GLIS3: variants seen among roughly 807,000 people sequenced by gnomAD.
GLIS3 encodes GLIS family zinc finger 3.
In GLIS3, 53 loss-of-function variants were observed where a neutral mutation model predicts 78.6. The observed-to-expected ratio is 0.67, with a 90% CI of 0.54 to 0.85. GLIS3 has a LOEUF of 0.85. Ranked by LOEUF, GLIS3 falls within the 40% of genes least tolerant of loss-of-function variation. The probability of loss-of-function intolerance (pLI) is 0.00; values close to 1 mark genes in which losing one functional copy is unlikely to be tolerated. For synonymous variants in GLIS3, 684 were observed against 509.9 expected (o/e 1.34, Z -4.60); for missense variants, 1,703 against 1,231.1 (o/e 1.38, Z -5.74).
At chr9:4,416,252 TAAAAAAAAAA>T in the GLIS3 span, among the ~76,000 whole-genome samples, 11 of 75,840 alleles carry the variant, frequency 1.5e-4, no homozygotes, top group East Asian at 2.3e-3. Flanking sequence ...ACACTGTTTT[TAAAAAAAAAA>T]AAAAAAAAAA....
At position 4,298,464 on chromosome 9, in the gene GLIS3, T is replaced by C. The variant is rs72690083; in HGVS notation, c.-99+957A>G. 7.0e-3 allele frequency: 3,148 copies of C among 449,774 alleles called. 29 individuals carry two copies. The highest frequency in any genetic ancestry group is 1.0e-2 in the Non-Finnish European group (2,229 of 223,864). 27.9% of individuals were successfully genotyped at this position (449,774 alleles called of 1,614,324 possible). A position where few individuals can be genotyped will look rare whatever the true frequency, so the allele number is the denominator to read the frequency against. ...TTGAGTGACTTCCCGGTCCCCGAGG[T>C]GACTTGTCAGCTCCAGTGAGTAACT... On this transcript the variant is annotated intron_variant, in intron 1 of 10. Transcript: ENST00000381971.
At chr9:4,238,872 G>C (rs1483219186) in intron 2 of GLIS3, among the ~76,000 whole-genome samples, 1 of 152,004 alleles carries the variant, frequency 6.6e-6, no homozygotes, top group South Asian at 2.1e-4. Context: ...TAACTACTAA[G>C]ACTACTATAG....
At chr9:4,158,638 T>C (rs1835222022) in intron 2 of GLIS3, among the ~76,000 whole-genome samples, 2 of 152,214 alleles carry the variant, frequency 1.3e-5, no homozygotes, top group African/African-American at 4.8e-5. Context: ...TAATATATGA[T>C]AGCATTCATT....
At chr9:4,375,699 T>G in the GLIS3 span, among the ~76,000 whole-genome samples, 9 of 152,214 alleles carry the variant, frequency 5.9e-5, no homozygotes, top group African/African-American at 2.2e-4. Context: ...AGTGGCTTTT[T>G]AAAATATGTG....
chr9:4,173,561 TACAC>T (rs34572625), intron 2 of GLIS3, among the ~76,000 whole-genome samples: 50,095 of 145,908 alleles, frequency 0.34, 9,140 homozygotes, highest in Middle Eastern at 0.52. Context: ...TGTGTATAGA[TACAC>T]ACACACACAC....
intron 6 of GLIS3, among the ~76,000 whole-genome samples, chr9:3,901,502 C>G (rs992793415): frequency 6.6e-6 from 1 of 152,136 alleles, no homozygotes; most frequent in Non-Finnish European, 1.5e-5. Context: ...TATACATTAC[C>G]AGCACACCAC....
chr9:4,241,735 T>C (rs1375722567), intron 2 of GLIS3, among the ~76,000 whole-genome samples: 1 of 152,198 alleles, frequency 6.6e-6, no homozygotes, highest in Non-Finnish European at 1.5e-5. Context: ...CAGGCTGGAA[T>C]GCAGCAGCGT....
At chr9:4,051,455 C>CA (rs1825742674) in intron 4 of GLIS3, among the ~76,000 whole-genome samples, 2 of 152,070 alleles carry the variant, frequency 1.3e-5, no homozygotes, top group African/African-American at 4.8e-5. Context: ...CTAAATGTAT[C>CA]AAAATCCATC....
chr9:4,003,556 T>C (rs902715945), intron 4 of GLIS3, among the ~76,000 whole-genome samples: 6 of 152,182 alleles, frequency 3.9e-5, no homozygotes, highest in African/African-American at 1.4e-4. Flanking sequence ...GAGAATCAGG[T>C]TGACAGTTCC....
At chr9:4,146,828 G>A (rs150663090) in intron 2 of GLIS3, among the ~76,000 whole-genome samples, 2 of 152,300 alleles carry the variant, frequency 1.3e-5, no homozygotes, top group East Asian at 3.8e-4. Context: ...GAGGAAGGAT[G>A]CTACAAGAGC....
chr9:4,184,639 T>G (rs1338422013), intron 2 of GLIS3, among the ~76,000 whole-genome samples: 1 of 152,352 alleles, frequency 6.6e-6, no homozygotes, highest in Admixed American at 6.5e-5. Context: ...TGGTACTTCA[T>G]GTAGGTGAAG....
chr9:4,060,587 A>G (rs1826564824), intron 4 of GLIS3, among the ~76,000 whole-genome samples: 1 of 152,096 alleles, frequency 6.6e-6, no homozygotes, highest in Non-Finnish European at 1.5e-5. Context: ...TGGCTTTATG[A>G]GAAGAGAAGA....
At chr9:3,967,209 A>C (rs750896704) in intron 4 of GLIS3, among the ~76,000 whole-genome samples, 1 of 152,112 alleles carries the variant, frequency 6.6e-6, no homozygotes, top group African/African-American at 2.4e-5. Flanking sequence ...TTTTCTTTAA[A>C]AATTCTCTAT....
chr9:4,215,913 T>C (rs117150291), intron 2 of GLIS3, among the ~76,000 whole-genome samples: 49 of 152,258 alleles, frequency 3.2e-4, no homozygotes, highest in Non-Finnish European at 6.0e-4. Flanking sequence ...GGGAAAGACA[T>C]TTAAGAATTT....
At chr9:4,444,321 C>T in the GLIS3 span, among the ~76,000 whole-genome samples, 2 of 152,188 alleles carry the variant, frequency 1.3e-5, no homozygotes, top group Admixed American at 6.5e-5. Context: ...AAGCAATGTC[C>T]TTCTGTCCTC....
chr9:4,218,413 G>T (rs997460376), intron 2 of GLIS3, among the ~76,000 whole-genome samples: 2 of 152,080 alleles, frequency 1.3e-5, no homozygotes, highest in Admixed American at 1.3e-4. Context: ...TGAGTAGCTG[G>T]GACTACAGGC....
chr9:4,447,981 G>A, the GLIS3 span, among the ~76,000 whole-genome samples: 2 of 151,908 alleles, frequency 1.3e-5, no homozygotes, highest in Admixed American at 6.6e-5. Context: ...CAAACTCTTG[G>A]GTTTAAGCAG....
intron 2 of GLIS3, among the ~76,000 whole-genome samples, chr9:4,177,029 G>T (rs937645821): frequency 3.3e-5 from 5 of 152,110 alleles, no homozygotes; most frequent in Non-Finnish European, 7.4e-5. Context: ...TGACAATATG[G>T]GTATCCCCCG....
intron 2 of GLIS3, among the ~76,000 whole-genome samples, chr9:4,137,331 A>G (rs981908140): frequency 5.3e-5 from 8 of 152,186 alleles, no homozygotes; most frequent in African/African-American, 1.9e-4. Context: ...TTCAGCTTGA[A>G]TCTTCCATGT....
Sources: gnomAD v4.1 joint callset for allele counts (sites outside exome capture counted in the v4.1 genomes callset) on GRCh38, gnomAD v4.1.1 for gene constraint, MANE v1.5 for transcripts, NCBI Gene and HGNC (gene_info 2026-07-23, HGNC 2026-07-21) for gene names.